The following RBM19 variants were observed in gnomAD, a reference collection of about 807,000 sequenced individuals.
RBM19 encodes RNA binding motif protein 19, also known as probable RNA-binding protein 19.
A neutral mutation model predicts 116.8 loss-of-function variants in RBM19; 94 were observed. The ratio of observed to expected loss-of-function variants is 0.80; its 90% confidence interval spans 0.68 to 0.95. RBM19 has a LOEUF of 0.95. Among genes scored for constraint, RBM19 ranks in the 40% least tolerant of loss-of-function variants. The pLI is 0.00. For synonymous variants in RBM19, 475 were observed against 494.1 expected, an observed-to-expected ratio of 0.96 and a Z score of 0.51; for missense variants, 1,161 against 1,220.7, an observed-to-expected ratio of 0.95 and a Z score of 0.73.
chr12:113,847,076 C>T (rs577828771), intron 22 of RBM19, among the ~76,000 whole-genome samples: 148 of 152,290 alleles, frequency 9.7e-4, no homozygotes, highest in African/African-American at 2.7e-3. Flanking sequence ...AGGGAAAGGA[C>T]GCAATGCCCT....
chr12:113,879,589 C>T (rs58268915), intron 21 of RBM19, among the ~76,000 whole-genome samples: 9,845 of 151,598 alleles, frequency 0.065, 612 homozygotes, highest in East Asian at 0.33. Flanking sequence ...CTTCCTCCTA[C>T]GCCCCGCTTC....
At chr12:113,929,702 G>C (rs975626517) in intron 16 of RBM19, among the ~76,000 whole-genome samples, 3 of 152,208 alleles carry the variant, frequency 2.0e-5, no homozygotes, top group African/African-American at 4.8e-5. Context: ...GAGATTAAAG[G>C]AGAAAGGAAA....
At chr12:113,965,489 C>G (rs994520013) in intron 1 of RBM19, among the ~76,000 whole-genome samples, 2 of 151,888 alleles carry the variant, frequency 1.3e-5, no homozygotes, top group Non-Finnish European at 2.9e-5. Flanking sequence ...ACTGTCTAAC[C>G]TGATGGAAGG....
At chr12:113,853,509 G>GA (rs2135732151) in intron 22 of RBM19, among the ~76,000 whole-genome samples, 1 of 152,332 alleles carries the variant, frequency 6.6e-6, no homozygotes, top group East Asian at 1.9e-4. Context: ...CATTGCATGG[G>GA]AAAAAATTAA....
chr12:113,848,144 G>A (rs1468703912), intron 22 of RBM19, among the ~76,000 whole-genome samples: 1 of 152,242 alleles, frequency 6.6e-6, no homozygotes, highest in Admixed American at 6.5e-5. Context: ...GAACTGTTAA[G>A]TCTGACACTT....
At chr12:113,849,232 C>G (rs1877249097) in intron 22 of RBM19, among the ~76,000 whole-genome samples, 1 of 152,242 alleles carries the variant, frequency 6.6e-6, no homozygotes, top group Non-Finnish European at 1.5e-5. Flanking sequence ...CTTCCTGACT[C>G]AATCTTGAAC....
At chr12:113,886,804 C>T (rs4767155) in intron 21 of RBM19, among the ~76,000 whole-genome samples, 22,890 of 152,194 alleles carry the variant, frequency 0.15, 2,055 homozygotes, top group Middle Eastern at 0.22. Flanking sequence ...CCATTAGTTC[C>T]AACTTTAACA....
intron 19 of RBM19, among the ~76,000 whole-genome samples, chr12:113,920,398 T>C (rs1370261624): frequency 6.6e-6 from 1 of 152,230 alleles, no homozygotes; most frequent in African/African-American, 2.4e-5. Context: ...AATAGTGCTG[T>C]GGATCAAATG....
At chr12:113,884,137 C>T (rs531401015) in intron 21 of RBM19, among the ~76,000 whole-genome samples, 79 of 137,334 alleles carry the variant, frequency 5.8e-4, no homozygotes, top group African/African-American at 1.7e-3. Flanking sequence ...ACAAAAAACT[C>T]GCCAGGCATG....
rs369215684 is a variant in RBM19 at position 113,918,327 on chromosome 12, T to G, written c.2441+65A>C. 3.0e-3 allele frequency: 4,596 copies of G among 1,523,414 alleles called. 10 individuals are homozygous for G. Among genetic ancestry groups the G allele is most frequent in the Non-Finnish European group, 4.0e-3 (4,363 of 1,097,886 alleles). 94.4% of individuals were successfully genotyped at this position (1,523,414 alleles called of 1,614,324 possible). A position where few individuals can be genotyped will look rare whatever the true frequency, so the allele number is the denominator to read the frequency against. ...AAGGGTTGTGAGACAGCCTCCAGGGTGGCCGGCACCAAGCACAGGAAGCCC... is the reference window on the plus strand; with the variant it reads ...AAGGGTTGTGAGACAGCCTCCAGGGGGGCCGGCACCAAGCACAGGAAGCCC... On this transcript the variant is annotated intron_variant, in intron 20 of 23. Transcript: ENST00000261741.
At chr12:113,934,582 G>C (rs1869886293) in intron 16 of RBM19, among the ~76,000 whole-genome samples, 1 of 152,208 alleles carries the variant, frequency 6.6e-6, no homozygotes, top group Non-Finnish European at 1.5e-5. Flanking sequence ...AAGGTGAATG[G>C]GGTCTCGGCA....
chr12:113,832,942 T>C (rs1338456874), intron 23 of RBM19, among the ~76,000 whole-genome samples: 1 of 152,148 alleles, frequency 6.6e-6, no homozygotes, highest in Non-Finnish European at 1.5e-5. Context: ...TACTGTCCTG[T>C]GAATGATTAA....
At chr12:113,888,382 C>T (rs1467708431) in intron 21 of RBM19, among the ~76,000 whole-genome samples, 1 of 152,198 alleles carries the variant, frequency 6.6e-6, no homozygotes, top group Non-Finnish European at 1.5e-5. Context: ...CAAATCTCGA[C>T]TGGCTTTAAA....
intron 13 of RBM19, 61 bp downstream of exon 13, chr12:113,945,767 T>C (rs1349069942): frequency 1.3e-5 from 18 of 1,396,860 alleles, no homozygotes; most frequent in Non-Finnish European, 1.1e-5. Context: ...ACGAGCCTCC[T>C]GCTCTTTCTC....
At chr12:113,939,238 C>A (rs1356186138) in intron 15 of RBM19, among the ~76,000 whole-genome samples, 1 of 151,746 alleles carries the variant, frequency 6.6e-6, no homozygotes, top group African/African-American at 2.4e-5. Flanking sequence ...CCCCAGAGTT[C>A]AAGGCTGCAG....
At chr12:113,829,009 T>TC (rs1875130229) in intron 23 of RBM19, among the ~76,000 whole-genome samples, 1 of 151,940 alleles carries the variant, frequency 6.6e-6, no homozygotes, top group Admixed American at 6.5e-5. Context: ...GTGCCTTTTT[T>TC]TTTTTTTAAA....
intron 23 of RBM19, among the ~76,000 whole-genome samples, chr12:113,829,003 CTT>C (rs5801007): frequency 2.7e-5 from 4 of 146,034 alleles, no homozygotes; most frequent in Non-Finnish European, 1.5e-5. Flanking sequence ...AGGGCTGTGC[CTT>C]TTTTTTTTTT....
intron 21 of RBM19, among the ~76,000 whole-genome samples, chr12:113,880,548 G>A (rs1409140288): frequency 2.0e-5 from 3 of 152,192 alleles, no homozygotes; most frequent in African/African-American, 7.2e-5. Context: ...GAAGCAGAGT[G>A]ATGTCACAGC....
chr12:113,865,591 T>C (rs970692021), intron 21 of RBM19, among the ~76,000 whole-genome samples: 4 of 152,146 alleles, frequency 2.6e-5, no homozygotes, highest in African/African-American at 7.2e-5. Context: ...TCTATTGACA[T>C]CTCCCCGAGT....
Sources: gnomAD v4.1 joint callset for allele counts (sites outside exome capture counted in the v4.1 genomes callset) on GRCh38, gnomAD v4.1.1 for gene constraint, MANE v1.5 for transcripts, NCBI Gene and HGNC (gene_info 2026-07-23, HGNC 2026-07-21) for gene names.